The following NEDD9 variants were observed in gnomAD, a reference collection of about 807,000 sequenced individuals.
NEDD9 encodes neural precursor cell expressed, developmentally down-regulated 9, also known as enhancer of filamentation 1.
A neutral mutation model predicts 76.6 loss-of-function variants in NEDD9; 26 were observed. The observed-to-expected ratio is 0.34, with a 90% CI of 0.25 to 0.47. The LOEUF is 0.47. NEDD9 is among the 20% of genes least tolerant of loss of function. NEDD9 has a pLI of 1.00. For synonymous variants in NEDD9, 392 were observed against 414.2 expected (o/e 0.95, Z 0.65); for missense variants, 937 against 1,058.5 (o/e 0.89, Z 1.59).
At chr6:11,330,263 C>G (rs918861766) in intron 2 of NEDD9, among the ~76,000 whole-genome samples, 1 of 152,170 alleles carries the variant, frequency 6.6e-6, no homozygotes, top group East Asian at 1.9e-4. Flanking sequence ...GTTAGACACT[C>G]CTTCTTTAGC....
Position 11,272,852 on chromosome 6 carries a change from TG to T in NEDD9, c.12+33139del, listed in dbSNP as rs1760339827. Among the ~76,000 whole-genome samples the T allele has an allele frequency of 4.6e-5, 7 of 152,344 alleles. No homozygotes were observed. The South Asian group carries it at 1.4e-3, about 32-fold the overall frequency. ...ATTCTCCAGTGTGCAAACGGAGCGT[TG>T]TTTACCCATACAGATATTGGGTGGT... On this transcript the variant is annotated intron_variant, in intron 3 of 3. Coordinates refer to the NEDD9 transcript ENST00000397378.
Position 11,185,385 on chromosome 6 carries a change from T to G in NEDD9, c.2282A>C (p.Asp761Ala). The G allele has an allele frequency of 6.2e-7, 1 of 1,614,212 alleles. No homozygotes were observed. Among genetic ancestry groups the G allele is most frequent in the Non-Finnish European group, 8.5e-7 (1 of 1,180,040 alleles). ...GGCAGTCACCTGCCGTGTCAGCGTG[T>G]CTCCAATGAACACCAGTTTGTGTGC... Reference protein sequence around the residue: ...LSAHKLVFIGDTLTRQVTAQD... With the variant: ...LSAHKLVFIGATLTRQVTAQD... Residue 761 changes from aspartate (D) to alanine (A), a missense_variant, in exon 7 of 7, where the codon GAC becomes GCC. Physicochemically the swap from Asp to Ala is moderately radical, Grantham distance 126 (BLOSUM62 -2). Coordinates refer to ENST00000379446, the MANE Select transcript of NEDD9 (RefSeq NM_006403.4).
chr6:11,296,943 A>G (rs12663156), intron 3 of NEDD9, among the ~76,000 whole-genome samples: 86,554 of 151,862 alleles, frequency 0.57, 25,324 homozygotes, highest in East Asian at 0.8. Context: ...TGCCCAGGCT[A>G]GTCTTGAACT....
intron 2 of NEDD9, among the ~76,000 whole-genome samples, chr6:11,209,982 C>CTTTTTTTTTTTTTTTTTTTTTTTTTTTTT (rs1462229268): frequency 2.4e-5 from 1 of 42,052 alleles, no homozygotes; most frequent in African/African-American, 8.2e-5. Flanking sequence ...TTTTTTTTTC[C>CTTTTTTTTTTTTTTTTTTTTTTTTTTTTT]TTAAGTGATT....
Position 11,200,833 on chromosome 6 carries a change from C to T in NEDD9, c.460-7141G>A, listed in dbSNP as rs1013657129. The T allele has an allele frequency of 7.3e-6, 11 of 1,516,436 alleles. No individual in the cohort carries two copies. The African/African-American group carries it at 1.4e-4, about 19-fold the overall frequency. The allele number at this position is 1,516,436 out of a possible 1,614,324, so 93.9% of individuals were successfully genotyped here. ...TATTACGGTTATCACCAGAGCAGCT[C>T]AAGACACGCCAATGGGAAACCCCAG... On this transcript the variant is annotated intron_variant, in intron 2 of 6. Coordinates refer to ENST00000379446, the MANE Select transcript of NEDD9 (RefSeq NM_006403.4).
chr6:11,305,048 A>G (rs1342127253), intron 3 of NEDD9: 4 of 1,254,438 alleles, frequency 3.2e-6, no homozygotes, highest in South Asian at 1.3e-5. Flanking sequence ...TAAAGAAAGC[A>G]TTTCTTATTA....
At chr6:11,374,156 A>G (rs1328554966) in intron 1 of NEDD9, among the ~76,000 whole-genome samples, 1 of 151,802 alleles carries the variant, frequency 6.6e-6, no homozygotes, top group Non-Finnish European at 1.5e-5. Context: ...TCCTTTGCTC[A>G]CTCAATGAAT....
At chr6:11,380,497 A>G (rs1228179782) in intron 1 of NEDD9, among the ~76,000 whole-genome samples, 2 of 152,180 alleles carry the variant, frequency 1.3e-5, no homozygotes, top group African/African-American at 4.8e-5. Context: ...TTGGGCAATT[A>G]CAGTTGTCCC....
At chr6:11,335,001 C>T (rs918571584) in intron 1 of NEDD9, among the ~76,000 whole-genome samples, 3 of 152,314 alleles carry the variant, frequency 2.0e-5, no homozygotes, top group Middle Eastern at 3.4e-3. Context: ...AGCTGATCCT[C>T]TTACAACTAC....
Position 11,376,270 on chromosome 6 carries a change from G to A in NEDD9, c.-214+5869C>T, listed in dbSNP as rs115265915. On this transcript the variant is annotated intron_variant, in intron 1 of 3. Coordinates refer to the NEDD9 transcript ENST00000397378. Reference sequence around the variant, plus strand: ...GAAAATGTGGAAGTGACTTTGGAACGGGGTAAGGGAGAGGCTGGAAGAGTT... The same window carrying A: ...GAAAATGTGGAAGTGACTTTGGAACAGGGTAAGGGAGAGGCTGGAAGAGTT... 2.5e-3 allele frequency among the ~76,000 whole-genome samples: 386 copies of A among 152,296 alleles called. 2 individuals carry two copies. Among genetic ancestry groups the A allele is most frequent in the African/African-American group, 8.8e-3 (366 of 41,564 alleles).
At chr6:11,200,623 A>C (rs2034) in intron 2 of NEDD9, 252,029 of 1,111,692 alleles carry the variant, frequency 0.23, 32,276 homozygotes, top group African/African-American at 0.52. Context: ...AGATTTAATC[A>C]TTCCTAAATT....
At chr6:11,365,837 A>G (rs879872542) in intron 1 of NEDD9, among the ~76,000 whole-genome samples, 2 of 152,012 alleles carry the variant, frequency 1.3e-5, no homozygotes, top group Admixed American at 1.3e-4. Flanking sequence ...CTAAAAATAC[A>G]AAAATTAGGT....
intron 2 of NEDD9, chr6:11,201,048 T>C (rs776363921): frequency 6.2e-7 from 1 of 1,614,210 alleles, no homozygotes; most frequent in Non-Finnish European, 8.5e-7. Flanking sequence ...CTGGAACACC[T>C]AGAGACAAAG....
At chr6:11,316,741 G>T (rs1761576367) in intron 2 of NEDD9, among the ~76,000 whole-genome samples, 2 of 152,180 alleles carry the variant, frequency 1.3e-5, no homozygotes, top group Admixed American at 1.3e-4. Flanking sequence ...GATTAAGCTG[G>T]AGACAGGGAC....
chr6:11,210,817 G>T (rs1305244343), intron 2 of NEDD9, among the ~76,000 whole-genome samples: 5 of 151,466 alleles, frequency 3.3e-5, no homozygotes, highest in Non-Finnish European at 5.9e-5. Flanking sequence ...GAGGAAGGGA[G>T]TGAAAAGAAA....
intron 3 of NEDD9, among the ~76,000 whole-genome samples, chr6:11,242,083 C>T (rs1413259023): frequency 3.3e-5 from 5 of 152,262 alleles, no homozygotes; most frequent in South Asian, 2.1e-4. Flanking sequence ...CAGTGTGGGC[C>T]GAGGACTGGG....
intron 1 of NEDD9, among the ~76,000 whole-genome samples, chr6:11,342,863 CTT>C (rs1455953937): frequency 6.6e-6 from 1 of 152,184 alleles, no homozygotes; most frequent in African/African-American, 2.4e-5. Context: ...ATTCAAAAGA[CTT>C]AACATGCATA....
intron 1 of NEDD9, among the ~76,000 whole-genome samples, chr6:11,216,155 C>T (rs1758947527): frequency 6.6e-6 from 1 of 152,198 alleles, no homozygotes; most frequent in Non-Finnish European, 1.5e-5. Flanking sequence ...GACTGGTTGT[C>T]AGGACTTCCC....
At chr6:11,187,769 G>A (rs1758015401) in intron 6 of NEDD9, among the ~76,000 whole-genome samples, 1 of 152,140 alleles carries the variant, frequency 6.6e-6, no homozygotes, top group South Asian at 2.1e-4. Context: ...ATAGGTGAGA[G>A]TGAAGTAGAC....
Sources: gnomAD v4.1 joint callset for allele counts (sites outside exome capture counted in the v4.1 genomes callset) on GRCh38, gnomAD v4.1.1 for gene constraint, MANE v1.5 for transcripts, NCBI Gene and HGNC (gene_info 2026-07-23, HGNC 2026-07-21) for gene names.